The following GLRA2 variants were observed in gnomAD, a reference collection of about 807,000 sequenced individuals.
GLRA2 encodes the protein glycine receptor subunit alpha-2.
A neutral mutation model predicts 31.6 loss-of-function variants in GLRA2; 11 were observed. That is an observed-to-expected ratio of 0.35 (90% CI 0.22 to 0.58). The LOEUF is 0.58. Among genes scored for constraint, GLRA2 ranks in the 20% least tolerant of loss-of-function variants. The pLI is 0.84. For missense variants in GLRA2, 212 were observed against 351.8 expected, an observed-to-expected ratio of 0.60 and a Z score of 3.18; for synonymous variants, 132 against 134.0, an observed-to-expected ratio of 0.99 and a Z score of 0.10.
the GLRA2 span, among the ~76,000 whole-genome samples, chrX:14,474,214 G>A: frequency 9.0e-6 from 1 of 111,285 alleles, no homozygotes; most frequent in African/African-American, 3.3e-5. Flanking sequence ...AACTCACCGG[G>A]CTCTTCACAG....
At chrX:14,641,742 G>T (rs753289287) in intron 7 of GLRA2, among the ~76,000 whole-genome samples, 1 of 111,747 alleles carries the variant, frequency 8.9e-6, no homozygotes, top group Non-Finnish European at 1.9e-5. Context: ...AAACATTCAC[G>T]TGTTGATCTG....
intron 2 of GLRA2, among the ~76,000 whole-genome samples, chrX:14,557,851 G>A (rs2089673651): frequency 1.8e-5 from 2 of 111,285 alleles, no homozygotes; most frequent in Admixed American, 9.6e-5. Flanking sequence ...ATAGTCCCAA[G>A]GTAGAGAAAG....
chrX:14,584,636 A>G (rs2090061537), intron 4 of GLRA2, among the ~76,000 whole-genome samples: 1 of 112,424 alleles, frequency 8.9e-6, no homozygotes, highest in Non-Finnish European at 1.9e-5. Flanking sequence ...ACAGAAAACC[A>G]GGAAACTTCC....
intron 7 of GLRA2, among the ~76,000 whole-genome samples, chrX:14,662,573 G>A (rs2091002023): frequency 9.0e-6 from 1 of 111,508 alleles, no homozygotes; most frequent in African/African-American, 3.3e-5. Context: ...AGGCACACAT[G>A]AGTTATAAAA....
chrX:14,664,954 A>G (rs986517724), intron 7 of GLRA2, among the ~76,000 whole-genome samples: 7 of 111,686 alleles, frequency 6.3e-5, no homozygotes, highest in Non-Finnish European at 1.3e-4. Context: ...GTACTCAGAT[A>G]TGGATCAGTA....
At chrX:14,633,145 AC>A (rs2090669939) in intron 7 of GLRA2, among the ~76,000 whole-genome samples, 1 of 112,108 alleles carries the variant, frequency 8.9e-6, no homozygotes, top group African/African-American at 3.2e-5. Flanking sequence ...ATGACCAGAA[AC>A]AAGTGTCATG....
intron 7 of GLRA2, among the ~76,000 whole-genome samples, chrX:14,610,096 A>G (rs2090382430): frequency 8.9e-6 from 1 of 112,178 alleles, no homozygotes; most frequent in South Asian, 3.7e-4. Flanking sequence ...TTTCCAGAAT[A>G]TGAGTTTAAT....
At chrX:14,561,407 G>A (rs1015775285) in intron 2 of GLRA2, among the ~76,000 whole-genome samples, 4 of 112,367 alleles carry the variant, frequency 3.6e-5, no homozygotes, top group African/African-American at 6.5e-5. Flanking sequence ...CTTACAGACC[G>A]AATCTGGCCT....
At chrX:14,483,863 T>C in the GLRA2 span, among the ~76,000 whole-genome samples, 3 of 111,280 alleles carry the variant, frequency 2.7e-5, no homozygotes, top group African/African-American at 9.8e-5. Flanking sequence ...GTGAGCACTA[T>C]CTAATCAACT....
At chrX:14,450,016 C>T in the GLRA2 span, among the ~76,000 whole-genome samples, 2 of 111,800 alleles carry the variant, frequency 1.8e-5, no homozygotes, top group Non-Finnish European at 3.8e-5. Context: ...TTCCAGGTGA[C>T]AGTGCTCCCT....
the GLRA2 span, among the ~76,000 whole-genome samples, chrX:14,464,806 C>T: frequency 4.5e-5 from 5 of 111,793 alleles, no homozygotes; most frequent in Non-Finnish European, 7.5e-5. Flanking sequence ...CTGCCCACCT[C>T]GGCCTCCCAA....
chrX:14,687,232 T>G (rs147831480), intron 7 of GLRA2, among the ~76,000 whole-genome samples: 310 of 112,169 alleles, frequency 2.8e-3, no homozygotes, highest in African/African-American at 9.1e-3. Context: ...TGGTTGCCCT[T>G]AACATTTTTT....
chrX:14,622,795 C>T (rs1210961673), intron 7 of GLRA2, among the ~76,000 whole-genome samples: 1 of 111,628 alleles, frequency 9.0e-6, no homozygotes, highest in Non-Finnish European at 1.9e-5. Flanking sequence ...CGTGATGCCT[C>T]CAGCTTTACT....
At chrX:14,586,332 GA>G (rs1271612156) in intron 4 of GLRA2, among the ~76,000 whole-genome samples, 1 of 112,034 alleles carries the variant, frequency 8.9e-6, no homozygotes, top group Non-Finnish European at 1.9e-5. Flanking sequence ...CTTTGTTGAT[GA>G]AAAAGTACCA....
intron 7 of GLRA2, among the ~76,000 whole-genome samples, chrX:14,685,366 G>A (rs1183352002): frequency 3.6e-5 from 4 of 111,695 alleles, no homozygotes. Flanking sequence ...TTTTTCTATT[G>A]ATGGCAATAG....
chrX:14,550,348 A>G (rs1028059899), intron 2 of GLRA2, among the ~76,000 whole-genome samples: 6 of 109,498 alleles, frequency 5.5e-5, no homozygotes, highest in African/African-American at 1.7e-4. Flanking sequence ...ATAGAGGATA[A>G]TTGATGGAGG....
intron 7 of GLRA2, among the ~76,000 whole-genome samples, chrX:14,623,814 T>C (rs758228255): frequency 2.7e-5 from 3 of 111,577 alleles, no homozygotes; most frequent in African/African-American, 9.8e-5. Flanking sequence ...AATTTTCTTT[T>C]TTTGTTGTGT....
At chrX:14,466,402 C>A in the GLRA2 span, among the ~76,000 whole-genome samples, 1 of 111,434 alleles carries the variant, frequency 9.0e-6, no homozygotes, top group Non-Finnish European at 1.9e-5. Flanking sequence ...TAACAGTAAA[C>A]CTAATAAAAC....
Position 14,706,956 on chromosome X carries a change from C to A in GLRA2, c.1080+16097C>A, listed in dbSNP as rs758959957. Among the ~76,000 whole-genome samples the A allele has an allele frequency of 4.5e-5, 5 of 111,729 alleles. No homozygotes were observed. In the South Asian group the frequency reaches 1.9e-3, roughly 42 times the overall value. ...CAATTCCTGACTGCCAGACCTGAGA[C>A]GCCTTAATTCAACACAGAATCATTG... On this transcript the variant is annotated intron_variant, in intron 8 of 8. Transcript: ENST00000218075.
Sources: gnomAD v4.1 joint callset for allele counts (sites outside exome capture counted in the v4.1 genomes callset) on GRCh38, gnomAD v4.1.1 for gene constraint, MANE v1.5 for transcripts, NCBI Gene and HGNC (gene_info 2026-07-23, HGNC 2026-07-21) for gene names.